The following PTGES variants were observed in gnomAD, a reference collection of about 807,000 sequenced individuals.
PTGES encodes the protein MGST1-like 1.
Under a neutral mutation model 11.8 loss-of-function variants are expected in PTGES, and 3 were observed. The ratio of observed to expected loss-of-function variants is 0.25; its 90% CI spans 0.12 to 0.66. The LOEUF (loss-of-function observed/expected upper bound fraction) is 0.66. PTGES is among the 30% of genes least tolerant of loss of function. The pLI is 0.82. For synonymous variants in PTGES, 94 were observed against 90.4 expected (o/e 1.04, Z -0.22); for missense variants, 180 against 213.0 (o/e 0.85, Z 0.96).
Position 129,747,277 on chromosome 9 carries a change from T to A in PTGES, c.209+1378A>T, listed in dbSNP as rs144629509. Among the ~76,000 whole-genome samples the A allele has an allele frequency of 3.3e-3, 506 of 152,326 alleles. 1 individual carries two copies. Among genetic ancestry groups the A allele is most frequent in the Non-Finnish European group, 4.6e-3 (315 of 68,032 alleles). On this transcript the variant is annotated intron_variant, in intron 2 of 2. Transcript: ENST00000340607. ...ATAAAAGAAAATCAGAACTCCAAAT[T>A]GGGTGTACCTAATGCATGCCTAATT...
At chr9:129,751,634 A>C (rs1037666389) in intron 1 of PTGES, among the ~76,000 whole-genome samples, 63 of 151,458 alleles carry the variant, frequency 4.2e-4, no homozygotes, top group Non-Finnish European at 8.4e-4. Flanking sequence ...AGCAGAGATC[A>C]TGCCGCTGCA....
rs570013008 is a variant in PTGES, at chr9:129,749,220, C to A, written c.127-483G>T. Among the ~76,000 whole-genome samples, 8 of 151,822 alleles carry A rather than the reference C, an allele frequency of 5.3e-5. No individual in the cohort carries two copies. In the South Asian group the frequency reaches 1.7e-3, roughly 32 times the overall value. On this transcript the variant is annotated intron_variant, in intron 1 of 2. Transcript: ENST00000340607. ...CAGCCTGGGCAACATAGCAAGACCC[C>A]ATCTCTAAAACAAGCCAGGTGTGGT...
chr9:129,746,792 C>T (rs1054209780), intron 2 of PTGES, among the ~76,000 whole-genome samples: 6 of 152,214 alleles, frequency 3.9e-5, no homozygotes, highest in African/African-American at 1.2e-4. Context: ...CATCGCCTCA[C>T]TCTCCAGCTA....
intron 1 of PTGES, 36 bp from the exon 2 acceptor site, chr9:129,748,773 A>G: frequency 6.5e-7 from 1 of 1,529,294 alleles, no homozygotes; most frequent in Non-Finnish European, 8.9e-7. Context: ...TCCTCGTGAG[A>G]CAAACGGCCC....
At chr9:129,747,836 C>A (rs1833061851) in intron 2 of PTGES, among the ~76,000 whole-genome samples, 1 of 151,602 alleles carries the variant, frequency 6.6e-6, no homozygotes, top group Non-Finnish European at 1.5e-5. Flanking sequence ...ATAGTGAAAC[C>A]CCATCTCTAC....
chr9:129,746,186 G>T (rs1833047341), intron 2 of PTGES, among the ~76,000 whole-genome samples: 1 of 152,120 alleles, frequency 6.6e-6, no homozygotes, highest in Admixed American at 6.6e-5. Flanking sequence ...CCACATGAAA[G>T]CTTTGCTACA....
chr9:129,743,338 G>A lies in PTGES; in HGVS notation c.210-3478C>T, dbSNP rs567872708. The stretch of plus-strand genomic sequence containing the variant: ...CTCACCTCCCTCCTCCCACCTCCAG[G>A]CTCCAAACCGAGAGACATGGAGGCA... On this transcript the variant is annotated intron_variant, in intron 2 of 2. Coordinates refer to ENST00000340607, the MANE Select transcript of PTGES (RefSeq NM_004878.5). Among the ~76,000 whole-genome samples, 8 of 152,320 alleles carry A rather than the reference G, an allele frequency of 5.3e-5. No individual in the cohort carries two copies. The South Asian group carries it at 1.5e-3, about 28-fold the overall frequency.
rs1335202365 is a variant in PTGES, at chr9:129,739,580, G to C, written c.*31C>G. 1.3e-6 allele frequency: 2 copies of C among 1,542,992 alleles called. No individual in the cohort carries two copies. The highest frequency in any genetic ancestry group is 2.0e-5 in the Admixed American group (1 of 50,724). Reference sequence around the variant, plus strand: ...TAGCCACGGCGGCTCTTGGCCCATGGTCTGGTGGCCAAGGAGGCATCAGCT... The same window carrying C: ...TAGCCACGGCGGCTCTTGGCCCATGCTCTGGTGGCCAAGGAGGCATCAGCT... On this transcript the variant is annotated 3_prime_UTR_variant, in exon 3 of 3. Transcript: ENST00000340607. This position sits in a 1 kb window ranked among gnomAD's most constrained non-coding sequence, Gnocchi z 5.7.
At position 129,739,684 on chromosome 9, in the gene PTGES, G is replaced by A. The variant is rs200459904; in HGVS notation, c.386C>T (p.Thr129Ile). 44 of 1,560,362 alleles carry A rather than the reference G, an allele frequency of 2.8e-5. No individual in the cohort carries two copies. Among genetic ancestry groups the A allele is most frequent in the Admixed American group, 3.8e-5 (2 of 52,150 alleles). ...GKLRAPIRSVTYTLAQLPCAS... is the reference protein window; with the variant it reads ...GKLRAPIRSVIYTLAQLPCAS... ...GCAGGGGAGCTGGGCCAGGGTGTAG[G>A]TCACGGAGCGGATGGGTGCCCGCAG... Residue 129 changes from threonine to isoleucine, a missense_variant, in exon 3 of 3, where the codon ACC becomes ATC. Thr to Ile is a moderately conservative substitution (Grantham distance 89, BLOSUM62 -1). Coordinates refer to ENST00000340607, the MANE Select transcript of PTGES (RefSeq NM_004878.5). This position sits in a 1 kb window ranked among gnomAD's most constrained non-coding sequence, Gnocchi z 5.7.
chr9:129,741,899 C>A (rs893795286), intron 2 of PTGES, among the ~76,000 whole-genome samples: 3 of 151,300 alleles, frequency 2.0e-5, no homozygotes, highest in African/African-American at 7.3e-5. Flanking sequence ...GAGGGAAACT[C>A]CCTCTCAAAA....
chr9:129,740,310 T>G (rs1832983215), intron 2 of PTGES, among the ~76,000 whole-genome samples: 1 of 152,116 alleles, frequency 6.6e-6, no homozygotes, highest in South Asian at 2.1e-4. Flanking sequence ...GCTCTTTACC[T>G]CCAGGGCAGG....
intron 1 of PTGES, among the ~76,000 whole-genome samples, chr9:129,751,021 G>A (rs536936993): frequency 3.2e-4 from 48 of 152,244 alleles, no homozygotes; most frequent in African/African-American, 9.6e-4. Flanking sequence ...TCCCTTCCCC[G>A]AATTCGTGTT....
chr9:129,746,333 C>T (rs966178688), intron 2 of PTGES, among the ~76,000 whole-genome samples: 2 of 151,972 alleles, frequency 1.3e-5, no homozygotes, highest in African/African-American at 2.4e-5. Context: ...CCAGGAGGGC[C>T]GCCACAGCTG....
Position 129,739,759 on chromosome 9 carries a change from A to G in PTGES, c.311T>C (p.Leu104Pro), listed in dbSNP as rs1303580187. ...PNPFVAWMHFLVFLVGRVAHT... is the reference protein window; with the variant it reads ...PNPFVAWMHFPVFLVGRVAHT... ...TGCCACACGGCCCACGAGGAAGACC[A>G]GGAAGTGCATCCAGGCGACAAAAGG... Residue 104 changes from leucine to proline, a missense_variant, in exon 3 of 3, where the codon CTG (leucine) becomes CCG (proline). Physicochemically the swap from Leu to Pro is moderately conservative, Grantham distance 98. Coordinates refer to ENST00000340607, the MANE Select transcript of PTGES (RefSeq NM_004878.5). This position sits in a 1 kb window ranked among gnomAD's most constrained non-coding sequence, Gnocchi z 5.7. 2 of 1,581,624 alleles carry G rather than the reference A, an allele frequency of 1.3e-6. No homozygotes were observed. Among genetic ancestry groups the G allele is most frequent in the Admixed American group, 3.6e-5 (2 of 54,974 alleles).
intron 2 of PTGES, among the ~76,000 whole-genome samples, chr9:129,744,973 C>A (rs1267107882): frequency 3.9e-5 from 6 of 152,032 alleles, no homozygotes; most frequent in Non-Finnish European, 8.8e-5. Flanking sequence ...CTTATTAGCT[C>A]CATGGCCTCA....
Sources: gnomAD v4.1 joint callset for allele counts (sites outside exome capture counted in the v4.1 genomes callset) on GRCh38, gnomAD v4.1.1 for gene constraint, Gnocchi (gnomAD v3.1) non-coding constraint, MANE v1.5 for transcripts, NCBI Gene and HGNC (gene_info 2026-07-23, HGNC 2026-07-21) for gene names.